Variants in PXMP4 observed in about 807,000 individuals in gnomAD.
PXMP4 encodes the protein peroxisomal membrane protein 4, also known as 24 kDa peroxisomal intrinsic membrane protein.
A neutral mutation model predicts 21.6 loss-of-function variants in PXMP4; 16 were observed. The observed-to-expected ratio is 0.74, with a 90% CI of 0.50 to 1.13. The LOEUF (loss-of-function observed/expected upper bound fraction) is 1.13, where lower values mean the gene tolerates loss of function less well. PXMP4 is among the 50% of genes most tolerant of loss of function. The pLI, the probability that PXMP4 is intolerant of heterozygous loss-of-function variation, is 0.00. For missense variants in PXMP4, 240 were observed against 277.7 expected (o/e 0.86, Z 0.96); for synonymous variants, 127 against 123.8 (o/e 1.03, Z -0.17).
intron 3 of PXMP4, among the ~76,000 whole-genome samples, chr20:33,709,998 A>G (rs1285288549): frequency 2.4e-5 from 3 of 123,776 alleles, no homozygotes; most frequent in African/African-American, 9.5e-5. Context: ...GCCACTCAAA[A>G]CTCTACACTG....
At chr20:33,709,470 T>C (rs1033569661) in intron 3 of PXMP4, among the ~76,000 whole-genome samples, 41 of 152,156 alleles carry the variant, frequency 2.7e-4, no homozygotes, top group African/African-American at 9.2e-4. Flanking sequence ...GTCATTTTTT[T>C]CCCTCATTTC....
chr20:33,720,112 G>A lies in PXMP4; in HGVS notation c.96C>T (p.Gly32=). The change falls in exon 1 of 4, where the codon GGC becomes GGT. Residue 32 remains glycine, a synonymous_variant. Coordinates refer to ENST00000409299, the MANE Select transcript of PXMP4 (RefSeq NM_007238.5). ...CCACTCACACAGCCCCGTTCCGGAA[G>A]CCCTTAAGCACGGCCAACGCAGCGT... ...RYHAALAVLK[G]FRNGAVYGAK... is the part of the protein sequence containing the mutation. 1.2e-6 allele frequency: 2 copies of A among 1,613,684 alleles called. No homozygotes were observed. The highest frequency in any genetic ancestry group is 1.7e-6 in the Non-Finnish European group (2 of 1,179,870).
chr20:33,708,079 T>A, intron 3 of PXMP4, 110 bp from the exon 4 acceptor site: 2 of 1,263,586 alleles, frequency 1.6e-6, no homozygotes, highest in Non-Finnish European at 2.1e-6. Context: ...AGAGCCTGGC[T>A]AGGGGTTTAT....
intron 3 of PXMP4, among the ~76,000 whole-genome samples, chr20:33,708,927 A>G (rs1285138431): frequency 6.6e-6 from 1 of 152,164 alleles, no homozygotes; most frequent in East Asian, 1.9e-4. Flanking sequence ...TATTTTTACA[A>G]TTTAAAAATA....
In PXMP4 at chr20:33,710,623, G is replaced by T; in HGVS notation, c.307C>A (p.His103Asn). 3 of 1,613,986 alleles carry T rather than the reference G, an allele frequency of 1.9e-6. No homozygotes were observed. The highest frequency in any genetic ancestry group is 1.7e-5 in the Admixed American group (1 of 59,996). ...SYIQGKTYPAHAFLAAFLGGI... is the reference protein window; with the variant it reads ...SYIQGKTYPANAFLAAFLGGI... ...CCGAGGAAGGCCGCCAGGAATGCGT[G>T]TGCTGGGTAGGTCTTGCCTTGTATG... Residue 103 changes from histidine (H) to asparagine (N), a missense_variant, in exon 3 of 4, where the codon CAC (histidine) becomes AAC (asparagine). Physicochemically the swap from His to Asn is moderately conservative, Grantham distance 68. Coordinates refer to ENST00000409299, the MANE Select transcript of PXMP4 (RefSeq NM_007238.5).
In PXMP4 at chr20:33,710,541, G is replaced by T. The variant is rs748743037; in HGVS notation, c.375+14C>A. On this transcript the variant is annotated intron_variant, in intron 3 of 3. Transcript: ENST00000409299. ...ACGCCCCCTTCACTACCCCCATCTCGGGAGGATCTTTACCTGGCTGTTGAT... is the reference window on the plus strand; with the variant it reads ...ACGCCCCCTTCACTACCCCCATCTCTGGAGGATCTTTACCTGGCTGTTGAT... 2 of 1,457,920 alleles carry T rather than the reference G, an allele frequency of 1.4e-6. No individual in the cohort carries two copies. The highest frequency in any genetic ancestry group is 1.1e-5 in the South Asian group (1 of 87,100). The allele number at this position is 1,457,920 out of a possible 1,614,324, so 90.3% of individuals were successfully genotyped here.
Position 33,707,881 on chromosome 20 carries a change from G to T in PXMP4, c.464C>A (p.Pro155Gln). ...KGYIPEPRWD[P>Q]FPLLTAVVWG... Reference sequence around the variant, plus strand: ...CACCACCGCAGTGAGCAGCGGGAACGGGTCCCACCTGGGTTCAGGGATGTA... The same window carrying T: ...CACCACCGCAGTGAGCAGCGGGAACTGGTCCCACCTGGGTTCAGGGATGTA... Residue 155 changes from proline (P) to glutamine (Q), a missense_variant, in exon 4 of 4, where the codon CCG (proline) becomes CAG (glutamine). Pro to Gln is a moderately conservative substitution (Grantham distance 76). Transcript: ENST00000409299. 3 of 1,614,110 alleles carry T rather than the reference G, an allele frequency of 1.9e-6. No individual in the cohort carries two copies. The highest frequency in any genetic ancestry group is 2.5e-6 in the Non-Finnish European group (3 of 1,180,036).
chr20:33,720,048 AG>A, intron 1 of PXMP4, 46 bp downstream of exon 1: 1 of 1,573,780 alleles, frequency 6.4e-7, no homozygotes, highest in Non-Finnish European at 8.7e-7. Flanking sequence ...CTCTGACCCC[AG>A]GCAGGACATC....
chr20:33,710,771 C>T lies in PXMP4; in HGVS notation c.177-18G>A. On this transcript the variant is annotated intron_variant, in intron 2 of 3. Transcript: ENST00000409299. ...CCTGGAGGCTGCACAAACACAGGTG[C>T]CCCTGCCATGAGTGCAGGCTCAGCA... is the stretch of plus-strand genomic sequence containing the variant. 1 of 1,577,248 alleles carries T rather than the reference C, an allele frequency of 6.3e-7. No homozygotes were observed. Among genetic ancestry groups the T allele is most frequent in the South Asian group, 1.1e-5 (1 of 87,544 alleles).
Position 33,720,259 on chromosome 20 carries a change from C to T in PXMP4, c.-52G>A. On this transcript the variant is annotated 5_prime_UTR_variant, in exon 1 of 4. Transcript: ENST00000409299. ...TTAGGAACTGTAAGCGCACTGACAGCCGGAGGTTCCAGCTGCGCGCCCACA... is the reference window on the plus strand; with the variant it reads ...TTAGGAACTGTAAGCGCACTGACAGTCGGAGGTTCCAGCTGCGCGCCCACA... 1 of 1,511,792 alleles carries T rather than the reference C, an allele frequency of 6.6e-7. No individual in the cohort carries two copies. The highest frequency in any genetic ancestry group is 9.0e-7 in the Non-Finnish European group (1 of 1,109,122). 93.6% of individuals were successfully genotyped at this position (1,511,792 alleles called of 1,614,324 possible). A position where few individuals can be genotyped will look rare whatever the true frequency, so the allele number is the denominator to read the frequency against.
In PXMP4 at chr20:33,704,149, C is replaced by T. The variant is rs567384865; in HGVS notation, c.*3557G>A. On this transcript the variant is annotated 3_prime_UTR_variant, in exon 4 of 4. Coordinates refer to ENST00000409299, the MANE Select transcript of PXMP4 (RefSeq NM_007238.5). ...TGGATTTTATTTCTATTATTATTAC[C>T]TTGTAATATATAATGAAATAATTGT... 8.5e-5 allele frequency: 13 copies of T among 152,676 alleles called. No homozygotes were observed. The highest frequency in any genetic ancestry group is 2.6e-4 in the African/African-American group (11 of 41,538). The allele number at this position is 152,676 out of a possible 1,614,324, so 9.5% of individuals were successfully genotyped here.
Position 33,718,924 on chromosome 20 carries a change from T to C in PXMP4, c.113+1171A>G, listed in dbSNP as rs181906823. Among the ~76,000 whole-genome samples, 1,062 of 152,314 alleles carry C rather than the reference T, an allele frequency of 7.0e-3. 5 individuals carry two copies. The highest frequency in any genetic ancestry group is 0.011 in the Admixed American group (166 of 15,290). ...CTTTTTTTTCCTTTTGAGATGGAGT[T>C]TCACTCTGTCACCCAGGCTGGAGTG... On this transcript the variant is annotated intron_variant, in intron 1 of 3. Transcript: ENST00000409299.
rs182674977 is a variant in PXMP4 at position 33,714,007 on chromosome 20, C to T, written c.176+667G>A. ...CCAGGAGGGAAGTAAAGGTGGAGTG[C>T]GAGCCAAAGGCACTCCTGGCGGGGG... On this transcript the variant is annotated intron_variant, in intron 2 of 3. Coordinates refer to ENST00000409299, the MANE Select transcript of PXMP4 (RefSeq NM_007238.5). Among the ~76,000 whole-genome samples, 6 of 152,306 alleles carry T rather than the reference C, an allele frequency of 3.9e-5. No individual in the cohort carries two copies. The East Asian group carries it at 5.8e-4, about 15-fold the overall frequency.
chr20:33,716,303 C>T (rs1245337720), intron 1 of PXMP4, among the ~76,000 whole-genome samples: 1 of 152,194 alleles, frequency 6.6e-6, no homozygotes, highest in Non-Finnish European at 1.5e-5. Context: ...CTACCTCACC[C>T]CAGGGCCCTC....
chr20:33,704,990 G>GTTTTTTT lies in PXMP4; in HGVS notation c.*2709_*2715dup, dbSNP rs869175381. ...ACTTGTTTGATTTGTCCAGGATTGT[G>GTTTTTTT]TTTTTTTTTTTTTTTTTTTTTTTGA... On this transcript the variant is annotated 3_prime_UTR_variant, in exon 4 of 4. Coordinates refer to ENST00000409299, the MANE Select transcript of PXMP4 (RefSeq NM_007238.5). 1.7e-4 allele frequency: 18 copies of GTTTTTTT among 105,386 alleles called. No homozygotes were observed. Among genetic ancestry groups the GTTTTTTT allele is most frequent in the South Asian group, 2.9e-4 (1 of 3,488 alleles). The allele number at this position is 105,386 out of a possible 1,614,324, so 6.5% of individuals were successfully genotyped here.
intron 1 of PXMP4, among the ~76,000 whole-genome samples, chr20:33,716,470 G>A (rs2018384650): frequency 6.6e-6 from 1 of 152,162 alleles, no homozygotes; most frequent in Non-Finnish European, 1.5e-5. Flanking sequence ...CCTCTGCAAA[G>A]GCCTCCTGAT....
chr20:33,707,519 G>A lies in PXMP4; in HGVS notation c.*187C>T, dbSNP rs922596900. 2 of 833,676 alleles carry A rather than the reference G, an allele frequency of 2.4e-6. No individual in the cohort carries two copies. The highest frequency in any genetic ancestry group is 1.7e-5 in the African/African-American group (1 of 57,938). 51.6% of individuals were successfully genotyped at this position (833,676 alleles called of 1,614,324 possible). ...AGCCGTAGATTCCTCAGCCTGATTCGGCCACTTGTGCCACCATACAAAGGT... is the reference window on the plus strand; with the variant it reads ...AGCCGTAGATTCCTCAGCCTGATTCAGCCACTTGTGCCACCATACAAAGGT... On this transcript the variant is annotated 3_prime_UTR_variant, in exon 4 of 4. Transcript: ENST00000409299.
intron 1 of PXMP4, among the ~76,000 whole-genome samples, chr20:33,718,292 C>T (rs905015197): frequency 3.3e-5 from 5 of 152,106 alleles, no homozygotes; most frequent in East Asian, 3.9e-4. Flanking sequence ...AGGCCGATCA[C>T]GAGGTCAGGA....
At chr20:33,708,699 C>CT (rs912938318) in intron 3 of PXMP4, among the ~76,000 whole-genome samples, 16 of 149,586 alleles carry the variant, frequency 1.1e-4, no homozygotes, top group East Asian at 2.0e-4. Flanking sequence ...ATTTTTTTTT[C>CT]TTTTTTTTTG....
Sources: allele counts gnomAD v4.1 joint callset (sites outside exome capture counted in the v4.1 genomes callset), GRCh38; gene constraint gnomAD v4.1.1; transcripts MANE v1.5; gene names NCBI Gene and HGNC (gene_info 2026-07-23, HGNC 2026-07-21).